The following TNC variants were observed in gnomAD, a reference collection of about 807,000 sequenced individuals.
TNC encodes the protein tenascin C, also known as tenascin.
A neutral mutation model predicts 202.4 loss-of-function variants in TNC; 109 were observed. The ratio of observed to expected loss-of-function variants is 0.54; its 90% CI spans 0.46 to 0.63. The LOEUF (loss-of-function observed/expected upper bound fraction) is 0.63, where lower values mean the gene tolerates loss of function less well. Among genes scored for constraint, TNC ranks in the 30% least tolerant of loss-of-function variants. The probability of loss-of-function intolerance (pLI) is 0.00; values close to 1 mark genes in which losing one functional copy is unlikely to be tolerated. For missense variants in TNC, 2,756 were observed against 2,833.3 expected, an observed-to-expected ratio of 0.97 and a Z score of 0.62; for synonymous variants, 1,007 against 1,089.7, an observed-to-expected ratio of 0.92 and a Z score of 1.50.
At chr9:115,060,027 G>T in intron 13 of TNC, 25 bp from the exon 14 acceptor site, 1 of 1,587,554 alleles carries the variant, frequency 6.3e-7, no homozygotes, top group Non-Finnish European at 8.6e-7. Context: ...AAAAGTATTT[G>T]TCAGTTCTAT....
At chr9:115,115,372 A>G (rs1344604122) in intron 1 of TNC, among the ~76,000 whole-genome samples, 1 of 152,164 alleles carries the variant, frequency 6.6e-6, no homozygotes, top group Non-Finnish European at 1.5e-5. Context: ...TGTACCTCTG[A>G]CTTGGTGATC....
At chr9:115,063,500 T>C (rs1261369067) in intron 12 of TNC, among the ~76,000 whole-genome samples, 1 of 152,186 alleles carries the variant, frequency 6.6e-6, no homozygotes, top group Non-Finnish European at 1.5e-5. Context: ...CTATTTTTTC[T>C]TCATTTACAG....
intron 27 of TNC, 139 bp downstream of exon 27, chr9:115,023,834 C>T: frequency 2.0e-6 from 2 of 1,023,396 alleles, no homozygotes; most frequent in Non-Finnish European, 2.9e-6. Context: ...TTGCTCACTG[C>T]CTTGGGAAAA....
intron 22 of TNC, among the ~76,000 whole-genome samples, chr9:115,033,093 G>T (rs1376959929): frequency 6.6e-6 from 1 of 152,150 alleles, no homozygotes; most frequent in Non-Finnish European, 1.5e-5. Flanking sequence ...TTTCTTCAAT[G>T]GGAGAATTGA....
At chr9:115,051,435 A>G (rs566792413) in intron 15 of TNC, among the ~76,000 whole-genome samples, 2 of 152,156 alleles carry the variant, frequency 1.3e-5, no homozygotes, top group South Asian at 4.1e-4. Context: ...TCCATACCCA[A>G]AGCCAACCCC....
chr9:115,063,703 G>A, intron 12 of TNC, 93 bp downstream of exon 12: 2 of 1,347,376 alleles, frequency 1.5e-6, no homozygotes, highest in Non-Finnish European at 2.1e-6. Flanking sequence ...AATGTGGTAG[G>A]AGCTGATCCC....
chr9:115,021,988 C>G (rs1203579374), intron 27 of TNC, among the ~76,000 whole-genome samples: 1 of 152,162 alleles, frequency 6.6e-6, no homozygotes, highest in South Asian at 2.1e-4. Context: ...GGGAAATATC[C>G]TTGAAATTTT....
chr9:115,093,552 A>G (rs766195400), intron 1 of TNC, among the ~76,000 whole-genome samples: 1 of 151,612 alleles, frequency 6.6e-6, no homozygotes, highest in Non-Finnish European at 1.5e-5. Context: ...GTCTACTAGA[A>G]TGGCTGCTCT....
chr9:115,084,601 A>G, intron 3 of TNC, 129 bp from the exon 4 acceptor site: 1 of 1,115,762 alleles, frequency 9.0e-7, no homozygotes. Flanking sequence ...TCTAAAATGC[A>G]GATGGCATCA....
chr9:115,030,531 A>C (rs1829869388), intron 23 of TNC, 126 bp from the exon 24 acceptor site: 13 of 1,107,972 alleles, frequency 1.2e-5, no homozygotes, highest in Non-Finnish European at 1.6e-5. Flanking sequence ...TGATGCAAAC[A>C]ATTAAAAACT....
intron 2 of TNC, among the ~76,000 whole-genome samples, chr9:115,090,000 A>AAAC (rs1835095170): frequency 6.6e-6 from 1 of 152,182 alleles, no homozygotes; most frequent in South Asian, 2.1e-4. Context: ...TAATCATTGT[A>AAAC]ATTGCTATTA....
intron 6 of TNC, 94 bp from the exon 7 acceptor site, chr9:115,078,306 G>A: frequency 1.4e-6 from 2 of 1,399,890 alleles, no homozygotes; most frequent in Non-Finnish European, 1.9e-6. Context: ...AGACCTGTGG[G>A]TGAATACTTA....
chr9:115,059,152 G>A (rs1832355784), intron 14 of TNC, among the ~76,000 whole-genome samples: 1 of 151,968 alleles, frequency 6.6e-6, no homozygotes, highest in Non-Finnish European at 1.5e-5. Context: ...CTAGCTATTT[G>A]CTAATTTGAT....
At chr9:115,080,993 A>G (rs745621746) in intron 6 of TNC, among the ~76,000 whole-genome samples, 1 of 152,288 alleles carries the variant, frequency 6.6e-6, no homozygotes, top group Non-Finnish European at 1.5e-5. Flanking sequence ...TCTACTCCCA[A>G]GAACTTCTGA....
intron 10 of TNC, among the ~76,000 whole-genome samples, chr9:115,068,031 G>T (rs954959493): frequency 3.3e-5 from 5 of 152,108 alleles, no homozygotes; most frequent in Admixed American, 2.6e-4. Flanking sequence ...GAGGGGGTCA[G>T]AATTATGAAA....
chr9:115,043,063 C>A (rs1199658043), intron 17 of TNC, among the ~76,000 whole-genome samples: 1 of 152,140 alleles, frequency 6.6e-6, no homozygotes, highest in African/African-American at 2.4e-5. Context: ...GTTTCTGCCT[C>A]CCAAAATACC....
intron 16 of TNC, among the ~76,000 whole-genome samples, 171 bp from the exon 17 acceptor site, chr9:115,046,853 A>G (rs1208816661): frequency 6.6e-6 from 1 of 152,206 alleles, no homozygotes; most frequent in Non-Finnish European, 1.5e-5. Flanking sequence ...AGTCCAGTAG[A>G]GTCAGGAGAG....
At chr9:115,062,828 G>T (rs751088828) in intron 13 of TNC, 89 bp downstream of exon 13, 1 of 1,441,800 alleles carries the variant, frequency 6.9e-7, no homozygotes, top group Non-Finnish European at 9.4e-7. Flanking sequence ...CAACATTGGG[G>T]TAGGATTCTG....
chr9:115,029,881 C>G (rs186637108), intron 24 of TNC, among the ~76,000 whole-genome samples: 1 of 152,086 alleles, frequency 6.6e-6, no homozygotes, highest in South Asian at 2.1e-4. Context: ...GTAATGGGGT[C>G]GGAATAATTC....
Sources: allele counts gnomAD v4.1 joint callset (sites outside exome capture counted in the v4.1 genomes callset), GRCh38; gene constraint gnomAD v4.1.1; transcripts MANE v1.5; gene names NCBI Gene and HGNC (gene_info 2026-07-23, HGNC 2026-07-21).